The following DCAF8L2 variants were observed in gnomAD, a reference collection of about 807,000 sequenced individuals.
The protein encoded by DCAF8L2 is DDB1 and CUL4 associated factor 8 like 2.
For missense variants in DCAF8L2, 430 were observed against 490.7 expected (o/e 0.88, Z 1.17); for synonymous variants, 200 against 190.9 (o/e 1.05, Z -0.39).
the DCAF8L2 span, among the ~76,000 whole-genome samples, chrX:27,557,844 A>G: frequency 9.0e-6 from 1 of 111,126 alleles, no homozygotes. Flanking sequence ...TTTATTCCAC[A>G]TACATATACT....
At chrX:27,645,570 A>C (rs1174781912) in intron 2 of DCAF8L2, among the ~76,000 whole-genome samples, 1 of 111,964 alleles carries the variant, frequency 8.9e-6, no homozygotes, top group African/African-American at 3.2e-5. Context: ...GGCCAAGGCA[A>C]TCACTCAAAA....
At position 27,749,885 on chromosome X, in the gene DCAF8L2, TAAATA is replaced by T. The variant is rs1171651446; in HGVS notation, c.*1096_*1100del. ...GTTTTATGCCTCATTTAATATAAAT[TAAATA>T]AGGGTACTGGATGTCCAATTACTGC... On this transcript the variant is annotated 3_prime_UTR_variant, in exon 5 of 5. Transcript: ENST00000451261. Among the ~76,000 whole-genome samples, 1 of 112,213 alleles carries T rather than the reference TAAATA, an allele frequency of 8.9e-6. No homozygotes were observed. The highest frequency in any genetic ancestry group is 2.8e-4 in the East Asian group (1 of 3,576).
intron 1 of DCAF8L2, among the ~76,000 whole-genome samples, chrX:27,619,017 A>G (rs191356252): frequency 2.8e-5 from 3 of 106,450 alleles, no homozygotes; most frequent in African/African-American, 1.1e-4. Context: ...CTATCTATCT[A>G]TCTATCTATC....
rs897774759 is a variant in DCAF8L2 at position 27,628,226 on chromosome X, C to T, written c.-341-3653C>T. Among the ~76,000 whole-genome samples, 5 of 111,292 alleles carry T rather than the reference C, an allele frequency of 4.5e-5. No individual in the cohort carries two copies. The East Asian group carries it at 1.1e-3, about 25-fold the overall frequency. On this transcript the variant is annotated intron_variant, in intron 1 of 4. Coordinates refer to ENST00000451261, the MANE Select transcript of DCAF8L2 (RefSeq NM_001353450.2). ...GGCTTACTTCACTTAGCATATTGTC[C>T]TTTCATTTCCTACATGATCTAGCAA...
intron 1 of DCAF8L2, among the ~76,000 whole-genome samples, chrX:27,615,524 A>AATCTGTCT (rs1555919236): frequency 9.6e-6 from 1 of 104,430 alleles, no homozygotes; most frequent in African/African-American, 3.6e-5. Flanking sequence ...AGATTCTATC[A>AATCTGTCT]ATCTATCTAT....
chrX:27,626,271 C>T, intron 1 of DCAF8L2, among the ~76,000 whole-genome samples: 1 of 111,618 alleles, frequency 9.0e-6, no homozygotes, highest in Non-Finnish European at 1.9e-5. Context: ...GCCTTGTGGG[C>T]TCTGCAACCA....
intron 3 of DCAF8L2, among the ~76,000 whole-genome samples, chrX:27,691,243 A>T (rs886941486): frequency 8.1e-5 from 9 of 111,756 alleles, no homozygotes; most frequent in Non-Finnish European, 1.5e-4. Flanking sequence ...ACTATAAATT[A>T]TTTTTTATGT....
chrX:27,547,259 C>T, the DCAF8L2 span, among the ~76,000 whole-genome samples: 1 of 111,715 alleles, frequency 9.0e-6, no homozygotes, highest in Non-Finnish European at 1.9e-5. Flanking sequence ...GCATTTTGGT[C>T]AAAACCATTC....
intron 1 of DCAF8L2, among the ~76,000 whole-genome samples, chrX:27,629,012 T>TC (rs911969408): frequency 8.9e-6 from 1 of 111,998 alleles, no homozygotes; most frequent in Non-Finnish European, 1.9e-5. Context: ...CATCTGTATG[T>TC]CTTTTTTGGA....
intron 4 of DCAF8L2, among the ~76,000 whole-genome samples, chrX:27,719,934 T>C (rs1931834694): frequency 9.0e-6 from 1 of 111,200 alleles, no homozygotes; most frequent in African/African-American, 3.3e-5. Flanking sequence ...TGGATTATGC[T>C]TTTTTTATAT....
chrX:27,693,287 A>G (rs2147257262), intron 3 of DCAF8L2, among the ~76,000 whole-genome samples: 1 of 111,403 alleles, frequency 9.0e-6, no homozygotes, highest in South Asian at 3.8e-4. Context: ...GAATCAGGAA[A>G]TTTATAAAGT....
At chrX:27,707,714 T>C (rs1602758808) in intron 3 of DCAF8L2, among the ~76,000 whole-genome samples, 1 of 111,282 alleles carries the variant, frequency 9.0e-6, no homozygotes, top group South Asian at 3.8e-4. Context: ...GAATCCGTGG[T>C]CTATGAGTTT....
the DCAF8L2 span, among the ~76,000 whole-genome samples, chrX:27,576,233 T>C: frequency 1.8e-5 from 2 of 112,001 alleles, no homozygotes; most frequent in Non-Finnish European, 3.8e-5. Context: ...GTCTAATGTA[T>C]TGCTATTAGT....
chrX:27,703,302 C>A (rs1197154630), intron 3 of DCAF8L2, among the ~76,000 whole-genome samples: 1 of 110,906 alleles, frequency 9.0e-6, no homozygotes, highest in Non-Finnish European at 1.9e-5. Flanking sequence ...TCGCAGCTGG[C>A]ATTTTTGCAG....
At chrX:27,519,679 C>G in the DCAF8L2 span, 10 of 595,712 alleles carry the variant, frequency 1.7e-5, no homozygotes, top group Non-Finnish European at 3.0e-5. Flanking sequence ...CGAGGAAGAA[C>G]GTGTAACAGA....
At chrX:27,732,680 ATGC>A (rs1419929439) in intron 4 of DCAF8L2, among the ~76,000 whole-genome samples, 1 of 111,237 alleles carries the variant, frequency 9.0e-6, no homozygotes, top group African/African-American at 3.3e-5. Flanking sequence ...ACTATGAAAA[ATGC>A]TGCAATAATA....
the DCAF8L2 span, among the ~76,000 whole-genome samples, chrX:27,534,448 T>C: frequency 8.9e-6 from 1 of 111,999 alleles, no homozygotes; most frequent in South Asian, 3.7e-4. Flanking sequence ...GTAGTTGTTA[T>C]TCACCAAATT....
chrX:27,702,485 T>TA (rs1931168136), intron 3 of DCAF8L2, among the ~76,000 whole-genome samples: 1 of 108,931 alleles, frequency 9.2e-6, no homozygotes, highest in Middle Eastern at 4.7e-3. Flanking sequence ...ATATAGAGCA[T>TA]AAAAAAATAA....
At chrX:27,599,610 C>T (rs1042912218) in intron 1 of DCAF8L2, among the ~76,000 whole-genome samples, 10 of 111,106 alleles carry the variant, frequency 9.0e-5, no homozygotes, top group Non-Finnish European at 1.5e-4. Flanking sequence ...TGGAGATGTT[C>T]TGCATCCAGA....
Sources: gnomAD v4.1 joint callset for allele counts (sites outside exome capture counted in the v4.1 genomes callset) on GRCh38, gnomAD v4.1.1 for gene constraint, MANE v1.5 for transcripts, NCBI Gene and HGNC (gene_info 2026-07-23, HGNC 2026-07-21) for gene names.